Variants in CACNA1C observed in about 807,000 individuals in gnomAD.
CACNA1C encodes voltage-dependent L-type calcium channel subunit alpha-1C.
CACNA1C carries 30 observed loss-of-function variants against 229.0 expected under a neutral mutation model. That is an observed-to-expected ratio of 0.13 (90% CI 0.10 to 0.18). The LOEUF (loss-of-function observed/expected upper bound fraction) is 0.18, where lower values mean the gene tolerates loss of function less well. Among genes scored for constraint, CACNA1C ranks in the 10% least tolerant of loss-of-function variants. The pLI, the probability that CACNA1C is intolerant of heterozygous loss-of-function variation, is 1.00. For missense variants in CACNA1C, 1,658 were observed against 2,845.0 expected (o/e 0.58, Z 9.49); for synonymous variants, 1,114 against 1,132.5 (o/e 0.98, Z 0.33).
rs1169685907 is a variant in CACNA1C, at chr12:2,462,340, T to C, written c.757+4634T>C. Among the ~76,000 whole-genome samples, 133 of 137,586 alleles carry C rather than the reference T, an allele frequency of 9.7e-4. 2 individuals carry two copies. Among genetic ancestry groups the C allele is most frequent in the African/African-American group, 2.8e-3 (103 of 36,370 alleles). 90.3% of individuals were successfully genotyped at this position (137,586 alleles called of 152,430 possible). A position where few individuals can be genotyped will look rare whatever the true frequency, so the allele number is the denominator to read the frequency against. On this transcript the variant is annotated intron_variant, in intron 5 of 46. Transcript: ENST00000399655. ...CTGCGCACCTCCTCGGCCCGCCCCT[T>C]GGCTCAGCTCTCTGCACAGGCCTGC...
Position 2,529,306 on chromosome 12 carries a change from C to T in CACNA1C, c.1390+16322C>T, listed in dbSNP as rs372593491. On this transcript the variant is annotated intron_variant, in intron 9 of 46. Transcript: ENST00000399655. ...TCATGCTCCCAGAAACCCCATTCCA[C>T]AGCTGCATCATAGTACTTATTGTAT... Among the ~76,000 whole-genome samples the T allele has an allele frequency of 5.3e-5, 8 of 152,348 alleles. No homozygotes were observed. The South Asian group carries it at 6.2e-4, about 12-fold the overall frequency.
chr12:2,490,045 G>A (rs1346906372), intron 6 of CACNA1C, among the ~76,000 whole-genome samples: 4 of 152,182 alleles, frequency 2.6e-5, no homozygotes, highest in Middle Eastern at 3.2e-3. Flanking sequence ...TCAAGTGTTC[G>A]CTTTAGCGCT....
intron 22 of CACNA1C, among the ~76,000 whole-genome samples, chr12:2,604,085 A>G (rs1028267566): frequency 1.3e-5 from 2 of 152,210 alleles, no homozygotes; most frequent in Non-Finnish European, 2.9e-5. Flanking sequence ...ACACTCCCAC[A>G]TGGTGGATCT....
chr12:2,129,198 G>A (rs142755324), intron 3 of CACNA1C, among the ~76,000 whole-genome samples: 2,278 of 152,322 alleles, frequency 0.015, 28 homozygotes, highest in African/African-American at 0.031. Context: ...GATGAGACAC[G>A]TTGCAAGGCT....
chr12:2,249,359 T>C (rs959445493), intron 3 of CACNA1C, among the ~76,000 whole-genome samples: 5 of 152,232 alleles, frequency 3.3e-5, no homozygotes, highest in Non-Finnish European at 7.3e-5. Flanking sequence ...TATCCATTTA[T>C]GTCTTGTCTG....
At chr12:2,030,131 T>G (rs1316655817) in intron 1 of CACNA1C, among the ~76,000 whole-genome samples, 2 of 152,212 alleles carry the variant, frequency 1.3e-5, no homozygotes, top group Non-Finnish European at 2.9e-5. Context: ...TATGTCACAG[T>G]GTCATTTTGC....
At position 2,403,637 on chromosome 12, in the gene CACNA1C, T is replaced by C. The variant is rs1595366972; in HGVS notation, c.478-45339T>C. ...AATTTATAGATGCATTGACACTATA[T>C]GATTAGGAAAGTACAGTAAATAACA... On this transcript the variant is annotated intron_variant, in intron 3 of 46. Transcript: ENST00000399655. This position sits in a 1 kb window ranked among gnomAD's most constrained non-coding sequence, Gnocchi z 4.1. 6.9e-6 allele frequency among the ~76,000 whole-genome samples: 1 copy of C among 144,728 alleles called. No homozygotes were observed. The highest frequency in any genetic ancestry group is 1.9e-4 in the East Asian group (1 of 5,142). 94.9% of individuals were successfully genotyped at this position (144,728 alleles called of 152,430 possible). A position where few individuals can be genotyped will look rare whatever the true frequency, so the allele number is the denominator to read the frequency against.
intron 3 of CACNA1C, among the ~76,000 whole-genome samples, chr12:2,302,868 G>T (rs892967146): frequency 6.6e-6 from 1 of 152,180 alleles, no homozygotes; most frequent in Non-Finnish European, 1.5e-5. Flanking sequence ...GGAGCCTCTC[G>T]GCTCCATCCT....
intron 3 of CACNA1C, among the ~76,000 whole-genome samples, chr12:2,357,040 C>T (rs2239053): frequency 1.3e-5 from 2 of 152,214 alleles, no homozygotes; most frequent in South Asian, 4.1e-4. Context: ...GAAACTCAAG[C>T]CTGCTTTGCC....
chr12:2,323,916 G>A (rs539383930), intron 3 of CACNA1C, among the ~76,000 whole-genome samples: 9 of 152,148 alleles, frequency 5.9e-5, no homozygotes, highest in Non-Finnish European at 7.3e-5. Context: ...GGATGGGGGC[G>A]TACAGTGGGG....
intron 1 of CACNA1C, among the ~76,000 whole-genome samples, chr12:2,003,094 A>G (rs1369760738): frequency 6.6e-6 from 1 of 152,216 alleles, no homozygotes; most frequent in Admixed American, 6.5e-5. Flanking sequence ...CCATTCCGGC[A>G]AATTTCCTCC....
At chr12:2,112,652 C>T (rs963481356) in intron 1 of CACNA1C, among the ~76,000 whole-genome samples, 8 of 152,038 alleles carry the variant, frequency 5.3e-5, no homozygotes, top group African/African-American at 7.2e-5. Flanking sequence ...GCAACTGTTG[C>T]GGGACAGGAG....
At chr12:2,008,265 G>T (rs1355522952) in intron 1 of CACNA1C, among the ~76,000 whole-genome samples, 1 of 152,118 alleles carries the variant, frequency 6.6e-6, no homozygotes, top group Non-Finnish European at 1.5e-5. Flanking sequence ...CCACAGGCTG[G>T]TGCCACCATG....
chr12:2,244,404 G>A (rs1176068455), intron 3 of CACNA1C, among the ~76,000 whole-genome samples: 2 of 152,360 alleles, frequency 1.3e-5, no homozygotes, highest in East Asian at 3.9e-4. Context: ...GGTCCTAAGG[G>A]AAGGTGCCAG....
Position 2,380,417 on chromosome 12 carries a change from G to A in CACNA1C, c.478-68559G>A, listed in dbSNP as rs576397816. On this transcript the variant is annotated intron_variant, in intron 3 of 46. Coordinates refer to ENST00000399655, the MANE Select transcript of CACNA1C (RefSeq NM_000719.7). ...ACAATGGTATTAGGATTCAAATATA[G>A]CTTCTAAAAGATTGGAACGATAGCA... Among the ~76,000 whole-genome samples the A allele has an allele frequency of 1.2e-4, 19 of 152,286 alleles. No homozygotes were observed. In the South Asian group the frequency reaches 3.7e-3, roughly 30 times the overall value.
intron 5 of CACNA1C, among the ~76,000 whole-genome samples, chr12:2,460,394 C>A (rs946948640): frequency 6.6e-6 from 1 of 152,214 alleles, no homozygotes; most frequent in Admixed American, 6.5e-5. Flanking sequence ...CACAAAGAGA[C>A]TGAGGAGATG....
chr12:2,641,904 A>G (rs1000944198), intron 30 of CACNA1C: 20 of 645,002 alleles, frequency 3.1e-5, no homozygotes, highest in Non-Finnish European at 4.5e-5. Flanking sequence ...CATTCCTAGA[A>G]GTGGGATGAA....
At chr12:2,043,146 T>A (rs2050427566) in intron 1 of CACNA1C, among the ~76,000 whole-genome samples, 1 of 152,232 alleles carries the variant, frequency 6.6e-6, no homozygotes. Context: ...TGCCCTCCTA[T>A]GAATTAGAAT....
At chr12:2,030,964 C>T (rs2048118864) in intron 1 of CACNA1C, among the ~76,000 whole-genome samples, 1 of 152,340 alleles carries the variant, frequency 6.6e-6, no homozygotes, top group South Asian at 2.1e-4. Flanking sequence ...TTTGCCTTCT[C>T]CTTTGTCCTA....
Sources: gnomAD v4.1 joint callset for allele counts (sites outside exome capture counted in the v4.1 genomes callset) on GRCh38, gnomAD v4.1.1 for gene constraint, Gnocchi (gnomAD v3.1) non-coding constraint, MANE v1.5 for transcripts, NCBI Gene and HGNC (gene_info 2026-07-23, HGNC 2026-07-21) for gene names.